ADGRB3: variants seen among roughly 807,000 people sequenced by gnomAD.
ADGRB3 encodes the protein brain-specific angiogenesis inhibitor 3.
A neutral mutation model predicts 193.4 loss-of-function variants in ADGRB3; 37 were observed. That is an observed-to-expected ratio of 0.19 (90% CI 0.15 to 0.25). The LOEUF (loss-of-function observed/expected upper bound fraction) is 0.25, where lower values mean the gene tolerates loss of function less well. Ranked by LOEUF, ADGRB3 falls within the 10% of genes least tolerant of loss-of-function variation. The probability of loss-of-function intolerance (pLI) is 1.00; values close to 1 mark genes in which losing one functional copy is unlikely to be tolerated. For missense variants in ADGRB3, 1,637 were observed against 1,852.9 expected (o/e 0.88, Z 2.14); for synonymous variants, 690 against 644.2 (o/e 1.07, Z -1.08).
intron 13 of ADGRB3, among the ~76,000 whole-genome samples, chr6:69,025,109 AT>A (rs1441708386): frequency 7.0e-5 from 10 of 142,712 alleles, no homozygotes; most frequent in South Asian, 2.3e-4. Flanking sequence ...AAAAAAAAAA[AT>A]AAAAAATAAT....
intron 3 of ADGRB3, among the ~76,000 whole-genome samples, chr6:68,858,757 T>C (rs1765065685): frequency 6.6e-6 from 1 of 151,998 alleles, no homozygotes; most frequent in South Asian, 2.1e-4. Context: ...ATTGACCCCT[T>C]TCAGCTGCAG....
Position 69,232,427 on chromosome 6 carries a change from G to T in ADGRB3, c.2481-863G>T, listed in dbSNP as rs1751144143. 1.0e-5 allele frequency: 15 copies of T among 1,482,494 alleles called. No individual in the cohort carries two copies. The South Asian group carries it at 2.1e-4, about 20-fold the overall frequency. The allele number at this position is 1,482,494 out of a possible 1,614,324, so 91.8% of individuals were successfully genotyped here. ...AACCATATGCTTTAGCATTTTAAAT[G>T]GCTACACCAAAGAGAAAATTGAACC... is the stretch of plus-strand genomic sequence containing the variant. On this transcript the variant is annotated intron_variant, in intron 17 of 31. Coordinates refer to ENST00000370598, the MANE Select transcript of ADGRB3 (RefSeq NM_001704.3).
At chr6:68,909,376 T>C (rs1245631290) in intron 3 of ADGRB3, among the ~76,000 whole-genome samples, 1 of 152,204 alleles carries the variant, frequency 6.6e-6, no homozygotes, top group Non-Finnish European at 1.5e-5. Flanking sequence ...AACACAAACA[T>C]ACTTAATTTT....
intron 27 of ADGRB3, 56 bp from the exon 28 acceptor site, chr6:69,355,765 G>A (rs545335609): frequency 2.2e-4 from 304 of 1,377,794 alleles, no homozygotes; most frequent in Non-Finnish European, 2.4e-4. Context: ...ATTAGTAAAA[G>A]ACACTTGAGG....
chr6:69,097,375 T>C (rs1772912526), intron 17 of ADGRB3, among the ~76,000 whole-genome samples: 1 of 152,222 alleles, frequency 6.6e-6, no homozygotes, highest in South Asian at 2.1e-4. Context: ...GATGAATTAA[T>C]TAACTTTTGC....
At chr6:68,876,988 A>G (rs983489577) in intron 3 of ADGRB3, among the ~76,000 whole-genome samples, 4 of 152,108 alleles carry the variant, frequency 2.6e-5, no homozygotes, top group African/African-American at 9.7e-5. Context: ...TTAATCAGCA[A>G]ATAAATACTT....
At chr6:68,817,360 T>C (rs1481128338) in intron 3 of ADGRB3, among the ~76,000 whole-genome samples, 1 of 104,000 alleles carries the variant, frequency 9.6e-6, no homozygotes, top group East Asian at 3.2e-4. Context: ...TATATATATA[T>C]AATTTCTGAC....
intron 3 of ADGRB3, among the ~76,000 whole-genome samples, chr6:68,815,844 C>CT (rs1767623226): frequency 6.6e-6 from 1 of 151,716 alleles, no homozygotes; most frequent in Admixed American, 6.6e-5. Context: ...ATTTCAGCTT[C>CT]TTTTTTTTAT....
rs1300937064 is a variant in ADGRB3 at position 69,081,801 on chromosome 6, TA to T, written c.2480+5765del. 9.9e-5 allele frequency among the ~76,000 whole-genome samples: 15 copies of T among 152,240 alleles called. No homozygotes were observed. In the South Asian group the frequency reaches 3.1e-3, roughly 32 times the overall value. On this transcript the variant is annotated intron_variant, in intron 17 of 31. Coordinates refer to ENST00000370598, the MANE Select transcript of ADGRB3 (RefSeq NM_001704.3). ...TGTTAGCACATAAGCAATTCTTTTTTAACTGATAACGTTTACATAAATGCTT... is the reference window on the plus strand; with the variant it reads ...TGTTAGCACATAAGCAATTCTTTTTTACTGATAACGTTTACATAAATGCTT...
At chr6:69,286,679 G>C (rs1364829629) in intron 20 of ADGRB3, among the ~76,000 whole-genome samples, 7 of 152,112 alleles carry the variant, frequency 4.6e-5, no homozygotes, top group Admixed American at 1.3e-4. Context: ...TTCAAAACTA[G>C]AAACTTGAAT....
chr6:69,163,895 A>G (rs1340246644), intron 17 of ADGRB3, among the ~76,000 whole-genome samples: 1 of 152,114 alleles, frequency 6.6e-6, no homozygotes, highest in Non-Finnish European at 1.5e-5. Context: ...CATTATTTAA[A>G]CTATTTTTCA....
intron 26 of ADGRB3, among the ~76,000 whole-genome samples, chr6:69,343,405 A>G (rs192438603): frequency 4.3e-4 from 58 of 135,568 alleles, no homozygotes; most frequent in African/African-American, 1.1e-3. Context: ...TCATTGTTCA[A>G]TTCCCACCTA....
chr6:69,124,392 T>C (rs770070216), intron 17 of ADGRB3, among the ~76,000 whole-genome samples: 39 of 152,212 alleles, frequency 2.6e-4, no homozygotes, highest in Non-Finnish European at 5.3e-4. Flanking sequence ...TTTATCTTTT[T>C]CTGCACTACA....
At chr6:68,869,914 GATTAT>G (rs1367719316) in intron 3 of ADGRB3, among the ~76,000 whole-genome samples, 1 of 152,128 alleles carries the variant, frequency 6.6e-6, no homozygotes, top group Non-Finnish European at 1.5e-5. Context: ...CAGTAGCTGG[GATTAT>G]AGGCACAGGC....
At chr6:68,704,037 A>G (rs964042201) in intron 3 of ADGRB3, among the ~76,000 whole-genome samples, 1 of 152,224 alleles carries the variant, frequency 6.6e-6, no homozygotes, top group Non-Finnish European at 1.5e-5. Context: ...AGTTGTCAAT[A>G]TATTAGTCCC....
At chr6:68,754,739 TA>T (rs11450503) in intron 3 of ADGRB3, among the ~76,000 whole-genome samples, 61,599 of 150,304 alleles carry the variant, frequency 0.41, 13,232 homozygotes, top group East Asian at 0.65. Flanking sequence ...TAAGGAAATT[TA>T]AAAAAAAAAA....
intron 31 of ADGRB3, among the ~76,000 whole-genome samples, chr6:69,387,511 A>G (rs1288853429): frequency 6.6e-6 from 1 of 152,118 alleles, no homozygotes; most frequent in Non-Finnish European, 1.5e-5. Context: ...TGCTGAAAAC[A>G]TCTAATGCAT....
chr6:68,712,953 T>C (rs948893673), intron 3 of ADGRB3, among the ~76,000 whole-genome samples: 7 of 152,058 alleles, frequency 4.6e-5, no homozygotes, highest in African/African-American at 1.4e-4. Flanking sequence ...TAGATTTTGG[T>C]CAATTTAGTA....
At chr6:68,956,509 G>C (rs1562099647) in intron 7 of ADGRB3, 136 bp from the exon 8 acceptor site, 1 of 1,198,494 alleles carries the variant, frequency 8.3e-7, no homozygotes, top group East Asian at 2.4e-5. Context: ...TGACCTGTAA[G>C]TTAAATATTT....
Sources: allele counts gnomAD v4.1 joint callset (sites outside exome capture counted in the v4.1 genomes callset), GRCh38; gene constraint gnomAD v4.1.1; transcripts MANE v1.5; gene names NCBI Gene and HGNC (gene_info 2026-07-23, HGNC 2026-07-21).